The following MAP2 variants were observed in gnomAD, a reference collection of about 807,000 sequenced individuals.
The protein encoded by MAP2 is microtubule-associated protein 2.
A neutral mutation model predicts 137.6 loss-of-function variants in MAP2; 14 were observed. That is an observed-to-expected ratio of 0.10 (90% CI 0.07 to 0.16). The LOEUF (loss-of-function observed/expected upper bound fraction) is 0.16. MAP2 is among the 10% of genes least tolerant of loss of function. MAP2 has a pLI of 1.00. For missense variants in MAP2, 2,088 were observed against 2,191.5 expected (o/e 0.95, Z 0.94); for synonymous variants, 786 against 782.3 (o/e 1.00, Z -0.08).
At chr2:209,642,627 G>GTTTA (rs2094127097) in intron 4 of MAP2, among the ~76,000 whole-genome samples, 1 of 151,920 alleles carries the variant, frequency 6.6e-6, no homozygotes, top group Admixed American at 6.6e-5. Flanking sequence ...CTTTCTAATT[G>GTTTA]TTTATTAGTC....
chr2:209,639,780 ATGT>A (rs958646108), intron 4 of MAP2, among the ~76,000 whole-genome samples: 2 of 151,462 alleles, frequency 1.3e-5, no homozygotes, highest in Non-Finnish European at 2.9e-5. Context: ...TTGGTTGTTA[ATGT>A]TGTTCATTTA....
intron 2 of MAP2, among the ~76,000 whole-genome samples, chr2:209,550,424 T>G (rs765132907): frequency 3.3e-5 from 5 of 152,146 alleles, no homozygotes; most frequent in Non-Finnish European, 4.4e-5. Flanking sequence ...TATTATTAGG[T>G]CTAGTTTGAA....
chr2:209,629,697 C>A (rs2092778919), intron 4 of MAP2, among the ~76,000 whole-genome samples: 1 of 152,146 alleles, frequency 6.6e-6, no homozygotes, highest in Non-Finnish European at 1.5e-5. Context: ...CAGTCATATC[C>A]AGATCTCAAG....
At chr2:209,543,234 C>T (rs968837473) in intron 2 of MAP2, among the ~76,000 whole-genome samples, 3 of 152,118 alleles carry the variant, frequency 2.0e-5, no homozygotes, top group Admixed American at 6.5e-5. Context: ...TCAGAACATG[C>T]GACATTTAGC....
chr2:209,704,380 CT>C (rs1200875758), intron 11 of MAP2: 1 of 1,396,180 alleles, frequency 7.2e-7, no homozygotes, highest in Non-Finnish European at 9.7e-7. Context: ...GTTTATACTT[CT>C]TTTTTATCTT....
At chr2:209,574,000 AT>A (rs1047932032) in intron 2 of MAP2, among the ~76,000 whole-genome samples, 4 of 152,164 alleles carry the variant, frequency 2.6e-5, no homozygotes, top group African/African-American at 7.2e-5. Context: ...AATATACCAC[AT>A]TTTTTAAAAG....
chr2:209,494,247 C>G (rs1404258871), intron 1 of MAP2, among the ~76,000 whole-genome samples: 2 of 151,978 alleles, frequency 1.3e-5, no homozygotes, highest in African/African-American at 2.4e-5. Flanking sequence ...AACATGGGCA[C>G]AGGGCAGGGA....
At chr2:209,663,396 G>C (rs1023414546) in intron 5 of MAP2, among the ~76,000 whole-genome samples, 6 of 152,118 alleles carry the variant, frequency 3.9e-5, no homozygotes, top group Non-Finnish European at 5.9e-5. Flanking sequence ...ACCGTGTCCT[G>C]CCGGCTCACT....
rs182656441 is a variant in MAP2 at position 209,529,327 on chromosome 2, C to T, written c.-172+21686C>T. Among the ~76,000 whole-genome samples, 10 of 152,162 alleles carry T rather than the reference C, an allele frequency of 6.6e-5. No individual in the cohort carries two copies. The East Asian group carries it at 1.2e-3, about 18-fold the overall frequency. On this transcript the variant is annotated intron_variant, in intron 2 of 15. Transcript: ENST00000682079. Reference sequence around the variant, plus strand: ...AATTAGCAAGGCATTCAGTCAAAACCGACTTATAGTTAATGCATTGTACGT... The same window carrying T: ...AATTAGCAAGGCATTCAGTCAAAACTGACTTATAGTTAATGCATTGTACGT...
rs374935033 is a variant in MAP2, at chr2:209,695,912, C to T, written c.3742C>T (p.Leu1248=). 70 of 1,614,084 alleles carry T rather than the reference C, an allele frequency of 4.3e-5. No individual in the cohort carries two copies. In the East Asian group the frequency reaches 1.1e-3, roughly 25 times the overall value. ...EIEAQGEYDK[L]LFRSDTLQIT... The stretch of plus-strand genomic sequence containing the variant: ...AGAAGCCCAGGGAGAATATGATAAA[C>T]TGCTCTTCCGCTCAGACACCCTTCA... The change falls in exon 8 of 16, where the codon CTG becomes TTG. Residue 1248 remains leucine, a synonymous_variant. Coordinates refer to ENST00000682079, the MANE Select transcript of MAP2 (RefSeq NM_001375505.1).
At chr2:209,556,042 C>CTTTT (rs766218011) in intron 2 of MAP2, among the ~76,000 whole-genome samples, 2 of 108,488 alleles carry the variant, frequency 1.8e-5, no homozygotes, top group Non-Finnish European at 3.9e-5. Context: ...TTTTTCTTTT[C>CTTTT]TTTTTTTTTT....
Position 209,733,953 on chromosome 2 carries a change from T to G in MAP2, c.*3556T>G, listed in dbSNP as rs563948187. The stretch of plus-strand genomic sequence containing the variant: ...GTTCCAACACACTGTTACAAATCTG[T>G]GGGGGGTTTCTTTCTTCTGATAATT... On this transcript the variant is annotated 3_prime_UTR_variant, in exon 16 of 16. Transcript: ENST00000682079. The G allele has an allele frequency of 4.6e-5, 7 of 152,644 alleles. No homozygotes were observed. The East Asian group carries it at 1.2e-3, about 25-fold the overall frequency. The allele number at this position is 152,644 out of a possible 1,614,324, so 9.5% of individuals were successfully genotyped here. A position where few individuals can be genotyped will look rare whatever the true frequency, so the allele number is the denominator to read the frequency against.
chr2:209,625,926 T>G (rs1450626258), intron 4 of MAP2, among the ~76,000 whole-genome samples: 2 of 152,102 alleles, frequency 1.3e-5, no homozygotes, highest in Non-Finnish European at 2.9e-5. Flanking sequence ...AAAATTCCTA[T>G]GATAAAAGCA....
intron 13 of MAP2, among the ~76,000 whole-genome samples, chr2:209,719,168 C>T (rs1462926195): frequency 6.6e-6 from 1 of 152,186 alleles, no homozygotes; most frequent in African/African-American, 2.4e-5. Flanking sequence ...TTGAGTGCCA[C>T]TGTTCACTCC....
intron 5 of MAP2, among the ~76,000 whole-genome samples, chr2:209,665,771 T>C (rs772857331): frequency 6.6e-6 from 1 of 152,182 alleles, no homozygotes; most frequent in African/African-American, 2.4e-5. Flanking sequence ...TAGGAAAATA[T>C]TGTGATTTCA....
rs141682673 is a variant in MAP2, at chr2:209,649,103, G to A, written c.-29-4039G>A. 6.1e-4 allele frequency among the ~76,000 whole-genome samples: 93 copies of A among 152,134 alleles called. 2 individuals are homozygous for A. In the East Asian group the frequency reaches 0.017, roughly 28 times the overall value. ...AGGTTGAGTGCTGTGGCATAATCAT[G>A]GCTCACTGTAGCCTCAATGTCCTCA... On this transcript the variant is annotated intron_variant, in intron 4 of 15. Transcript: ENST00000682079.
At chr2:209,560,538 G>A (rs2071791441) in intron 2 of MAP2, among the ~76,000 whole-genome samples, 1 of 150,188 alleles carries the variant, frequency 6.7e-6, no homozygotes, top group Admixed American at 6.6e-5. Flanking sequence ...GGAGTGCAGT[G>A]GTGTGCTCAT....
chr2:209,554,941 A>AAT (rs202158501), intron 2 of MAP2, among the ~76,000 whole-genome samples: 1 of 147,702 alleles, frequency 6.8e-6, no homozygotes, highest in Non-Finnish European at 1.5e-5. Flanking sequence ...ATCATATATA[A>AAT]ATATATATAT....
chr2:209,644,542 G>A (rs2094277398), intron 4 of MAP2, among the ~76,000 whole-genome samples: 1 of 152,002 alleles, frequency 6.6e-6, no homozygotes, highest in African/African-American at 2.4e-5. Context: ...TTACCCTGAG[G>A]TAGGTAATTG....
Sources: gnomAD v4.1 joint callset for allele counts (sites outside exome capture counted in the v4.1 genomes callset) on GRCh38, gnomAD v4.1.1 for gene constraint, MANE v1.5 for transcripts, NCBI Gene and HGNC (gene_info 2026-07-23, HGNC 2026-07-21) for gene names.